The following SFMBT2 variants were observed in gnomAD, a reference collection of about 807,000 sequenced individuals.
The protein encoded by SFMBT2 is scm-like with four MBT domains protein 2.
SFMBT2 carries 38 observed loss-of-function variants against 110.1 expected under a neutral mutation model. The observed-to-expected ratio is 0.35, with a 90% CI of 0.27 to 0.45. The LOEUF (loss-of-function observed/expected upper bound fraction) is 0.45. Ranked by LOEUF, SFMBT2 falls within the 20% of genes least tolerant of loss-of-function variation. The pLI is 1.00. For synonymous variants in SFMBT2, 425 were observed against 425.4 expected (o/e 1.00, Z 0.01); for missense variants, 1,011 against 1,094.9 (o/e 0.92, Z 1.08).
chr10:7,298,024 G>T (rs145272433), intron 4 of SFMBT2, among the ~76,000 whole-genome samples: 10 of 152,352 alleles, frequency 6.6e-5, no homozygotes, highest in African/African-American at 2.2e-4. Context: ...ACTGGGGCTC[G>T]CAGGTGAGGC....
chr10:7,272,849 G>A (rs1353102417), intron 7 of SFMBT2, among the ~76,000 whole-genome samples: 1 of 152,184 alleles, frequency 6.6e-6, no homozygotes, highest in East Asian at 1.9e-4. Context: ...CTGGAGTGCA[G>A]TGGTGCAATC....
Position 7,172,362 on chromosome 10 carries a change from G to A in SFMBT2, c.2151+133C>T. Reference sequence around the variant, plus strand: ...TTTGTTTTCAGCAAGTAAGGAGGAGGGGGCTCTTCTTCAGTGTTTCTGACC... The same window carrying A: ...TTTGTTTTCAGCAAGTAAGGAGGAGAGGGCTCTTCTTCAGTGTTTCTGACC... On this transcript the variant is annotated intron_variant, in intron 18 of 20. Transcript: ENST00000397167. The surrounding 1 kb of genome is among the most constrained non-coding windows in gnomAD (Gnocchi z 4.6). 6.6e-7 allele frequency: 1 copy of A among 1,507,718 alleles called. No individual in the cohort carries two copies. Among genetic ancestry groups the A allele is most frequent in the Non-Finnish European group, 8.8e-7 (1 of 1,130,668 alleles). 93.4% of individuals were successfully genotyped at this position (1,507,718 alleles called of 1,614,324 possible).
At chr10:7,227,804 G>T in intron 10 of SFMBT2, 51 bp downstream of exon 10, 1 of 1,519,492 alleles carries the variant, frequency 6.6e-7, no homozygotes, top group Non-Finnish European at 9.1e-7. Flanking sequence ...AAAACTTACG[G>T]TAGACAAAAT....
chr10:7,358,962 A>AG (rs1844618841), intron 4 of SFMBT2, among the ~76,000 whole-genome samples: 1 of 152,228 alleles, frequency 6.6e-6, no homozygotes, highest in Admixed American at 6.5e-5. Flanking sequence ...AAGAAGCAGC[A>AG]GGGGAGTCAG....
At chr10:7,205,053 G>T (rs72773856) in intron 12 of SFMBT2, 6 of 433,896 alleles carry the variant, frequency 1.4e-5, no homozygotes, top group Non-Finnish European at 1.8e-5. Context: ...TCAGTGATTA[G>T]TTAGTGCTAA....
chr10:7,268,468 G>C (rs911440387), intron 7 of SFMBT2, among the ~76,000 whole-genome samples: 1 of 152,118 alleles, frequency 6.6e-6, no homozygotes, highest in African/African-American at 2.4e-5. Flanking sequence ...GTTTCCAGAG[G>C]CTGCAAAATT....
intron 16 of SFMBT2, among the ~76,000 whole-genome samples, chr10:7,187,986 T>C (rs977619323): frequency 1.3e-5 from 2 of 152,222 alleles, no homozygotes; most frequent in African/African-American, 2.4e-5. Context: ...AAACGGATCT[T>C]TTTCTATGTG....
intron 12 of SFMBT2, chr10:7,204,581 G>A (rs1839065401): frequency 1.3e-6 from 1 of 799,242 alleles, no homozygotes; most frequent in Non-Finnish European, 1.5e-6. Flanking sequence ...ACAAAAATAT[G>A]TTAAAACACA....
At chr10:7,263,764 A>G (rs1841293635) in intron 7 of SFMBT2, among the ~76,000 whole-genome samples, 2 of 152,226 alleles carry the variant, frequency 1.3e-5, no homozygotes, top group Admixed American at 1.3e-4. Flanking sequence ...TGAATAAGGG[A>G]AAAAGAAACC....
chr10:7,205,434 T>C, intron 12 of SFMBT2: 1 of 985,304 alleles, frequency 1.0e-6, no homozygotes, highest in Non-Finnish European at 1.2e-6. Flanking sequence ...TTGGAACCAA[T>C]TAAGATTCTG....
chr10:7,200,162 C>T (rs1478431969), intron 14 of SFMBT2, among the ~76,000 whole-genome samples: 1 of 152,184 alleles, frequency 6.6e-6, no homozygotes, highest in African/African-American at 2.4e-5. Context: ...GCAAGTCACA[C>T]ATAAACCCTT....
rs536156474 is a variant in SFMBT2, at chr10:7,172,442, C to T, written c.2151+53G>A. Reference sequence around the variant, plus strand: ...GCTGTGAAGCAGCCACACTTGCCGGCCAGGGCCAGATGACAGAGCTACAGG... The same window carrying T: ...GCTGTGAAGCAGCCACACTTGCCGGTCAGGGCCAGATGACAGAGCTACAGG... On this transcript the variant is annotated intron_variant, in intron 18 of 20. Coordinates refer to ENST00000397167, the MANE Select transcript of SFMBT2 (RefSeq NM_001387889.1). The surrounding 1 kb of genome is among the most constrained non-coding windows in gnomAD (Gnocchi z 4.6). 41 of 1,610,822 alleles carry T rather than the reference C, an allele frequency of 2.5e-5. No individual in the cohort carries two copies. In the African/African-American group the frequency reaches 4.5e-4, roughly 18 times the overall value.
chr10:7,406,559 C>T (rs1423149733), intron 1 of SFMBT2, among the ~76,000 whole-genome samples: 1 of 151,262 alleles, frequency 6.6e-6, no homozygotes. Context: ...ATGATGAAAA[C>T]GAAACAGGGA....
At chr10:7,331,733 G>A (rs1333942129) in intron 4 of SFMBT2, among the ~76,000 whole-genome samples, 1 of 152,116 alleles carries the variant, frequency 6.6e-6, no homozygotes, top group African/African-American at 2.4e-5. Flanking sequence ...GGGACCCTGT[G>A]CGCATCACTC....
chr10:7,244,920 C>T (rs564253419), intron 8 of SFMBT2, among the ~76,000 whole-genome samples: 3 of 152,100 alleles, frequency 2.0e-5, no homozygotes, highest in East Asian at 3.9e-4. Context: ...AGGTCATGTC[C>T]GAGAGCCCTG....
chr10:7,188,486 G>T, intron 16 of SFMBT2, 138 bp downstream of exon 16: 1 of 596,042 alleles, frequency 1.7e-6, no homozygotes, highest in Non-Finnish European at 2.8e-6. Flanking sequence ...TTTACGTGTC[G>T]CCCATAGAAC....
At chr10:7,191,873 A>G (rs1241956155) in intron 15 of SFMBT2, among the ~76,000 whole-genome samples, 2 of 152,222 alleles carry the variant, frequency 1.3e-5, no homozygotes, top group East Asian at 1.9e-4. Flanking sequence ...AAAATTAACA[A>G]TAAATTCACT....
At chr10:7,285,725 G>A in intron 5 of SFMBT2, 141 bp downstream of exon 5, 1 of 667,808 alleles carries the variant, frequency 1.5e-6, no homozygotes. Context: ...CAGGACAAAA[G>A]AGGAAGGGAG....
Position 7,284,140 on chromosome 10 carries a change from C to T in SFMBT2, c.536G>A (p.Gly179Glu). 3.1e-6 allele frequency: 5 copies of T among 1,613,676 alleles called. No homozygotes were observed. Among genetic ancestry groups the T allele is most frequent in the Non-Finnish European group, 4.2e-6 (5 of 1,179,888 alleles). The change falls in exon 6 of 21, where the codon GGG becomes GAG. Residue 179 changes from glycine (G) to glutamate (E), a missense_variant. Around this residue, in one of 2 missense-constraint regions of SFMBT2, gnomAD observed 979 missense variants for 1,016.1 expected, o/e 0.96. Coordinates refer to ENST00000397167, the MANE Select transcript of SFMBT2 (RefSeq NM_001387889.1). Reference protein sequence around the residue: ...PANLLEGPLRGKGPIDLITVG... With the variant: ...PANLLEGPLREKGPIDLITVG... The stretch of plus-strand genomic sequence containing the variant: ...TGTAATGAGGTCTATAGGGCCTTTC[C>T]CTCGCAGAGGCTGTTTAAACAGAAG...
Sources: gnomAD v4.1 joint callset for allele counts (sites outside exome capture counted in the v4.1 genomes callset) on GRCh38, gnomAD v4.1.1 for gene constraint, gnomAD v4.1.1 regional missense constraint, Gnocchi (gnomAD v3.1) non-coding constraint, MANE v1.5 for transcripts, NCBI Gene and HGNC (gene_info 2026-07-23, HGNC 2026-07-21) for gene names.